Variants in NARS2 observed in about 807,000 individuals in gnomAD.
NARS2 encodes the protein asparaginyl-tRNA synthetase.
NARS2 carries 60 observed loss-of-function variants against 62.9 expected under a neutral mutation model. The observed-to-expected ratio is 0.95, with a 90% confidence interval of 0.77 to 1.18. The LOEUF (loss-of-function observed/expected upper bound fraction) is 1.18, where lower values mean the gene tolerates loss of function less well. Ranked by LOEUF, NARS2 falls within the 50% of genes most tolerant of loss-of-function variation. The probability of loss-of-function intolerance (pLI) is 0.00; values close to 1 mark genes in which losing one functional copy is unlikely to be tolerated. For missense variants in NARS2, 619 were observed against 576.4 expected (o/e 1.07, Z -0.76); for synonymous variants, 196 against 200.0 (o/e 0.98, Z 0.17).
intron 9 of NARS2, among the ~76,000 whole-genome samples, chr11:78,470,601 A>C (rs1301187968): frequency 6.6e-6 from 1 of 152,168 alleles, no homozygotes; most frequent in Non-Finnish European, 1.5e-5. Flanking sequence ...TATTTTGTGG[A>C]TGTGTCATAA....
chr11:78,559,751 T>A, intron 4 of NARS2, 132 bp from the exon 5 acceptor site: 1 of 597,104 alleles, frequency 1.7e-6, no homozygotes, highest in Non-Finnish European at 2.9e-6. Context: ...CCCTAAATAT[T>A]AAGACTACTG....
chr11:78,454,826 C>T (rs780906417), intron 11 of NARS2, among the ~76,000 whole-genome samples: 1 of 152,058 alleles, frequency 6.6e-6, no homozygotes, highest in Non-Finnish European at 1.5e-5. Context: ...ACCATGTTGG[C>T]CAGGCTGGTC....
At chr11:78,524,822 C>G (rs1195601274) in intron 6 of NARS2, among the ~76,000 whole-genome samples, 5 of 152,004 alleles carry the variant, frequency 3.3e-5, no homozygotes, top group African/African-American at 9.7e-5. Context: ...GGAGAAATAA[C>G]TAATTTTTAG....
chr11:78,471,684 C>G (rs1250656872), intron 9 of NARS2, among the ~76,000 whole-genome samples: 1 of 116,236 alleles, frequency 8.6e-6, no homozygotes, highest in Non-Finnish European at 1.7e-5. Context: ...TCCCTCCCCC[C>G]TCCCCCCACC....
intron 6 of NARS2, among the ~76,000 whole-genome samples, chr11:78,519,908 T>C (rs1024369878): frequency 1.1e-4 from 16 of 152,138 alleles, no homozygotes; most frequent in African/African-American, 3.9e-4. Flanking sequence ...TTAGCCAGGA[T>C]GGTCTCGATC....
chr11:78,572,553 G>A (rs116558162), intron 1 of NARS2, among the ~76,000 whole-genome samples: 2,379 of 152,214 alleles, frequency 0.016, 62 homozygotes, highest in African/African-American at 0.054. Context: ...TTCAGGACTT[G>A]GCTGAAATAT....
chr11:78,461,025 T>A (rs757790101), intron 11 of NARS2, among the ~76,000 whole-genome samples: 1 of 152,178 alleles, frequency 6.6e-6, no homozygotes, highest in African/African-American at 2.4e-5. Flanking sequence ...AGGATGTGCA[T>A]AGGTGATACG....
chr11:78,504,669 C>A (rs988222954), intron 6 of NARS2, among the ~76,000 whole-genome samples: 1 of 152,148 alleles, frequency 6.6e-6, no homozygotes, highest in Non-Finnish European at 1.5e-5. Context: ...CATACAAACA[C>A]ACATACACAT....
At chr11:78,534,974 A>G (rs1397272119) in intron 5 of NARS2, among the ~76,000 whole-genome samples, 2 of 152,256 alleles carry the variant, frequency 1.3e-5, no homozygotes, top group Admixed American at 6.5e-5. Context: ...TAAAGCCTCT[A>G]AATTAATACA....
At position 78,540,364 on chromosome 11, in the gene NARS2, G is replaced by A. The variant is rs546159859; in HGVS notation, c.595-11428C>T. 2.6e-5 allele frequency among the ~76,000 whole-genome samples: 4 copies of A among 152,218 alleles called. No individual in the cohort carries two copies. The South Asian group carries it at 8.3e-4, about 32-fold the overall frequency. Reference sequence around the variant, plus strand: ...TAGCTGAGCAGTTTCACAATCTCAGGAGAATTAAATAGAAAAACCCACACA... The same window carrying A: ...TAGCTGAGCAGTTTCACAATCTCAGAAGAATTAAATAGAAAAACCCACACA... On this transcript the variant is annotated intron_variant, in intron 5 of 13. Coordinates refer to ENST00000281038, the MANE Select transcript of NARS2 (RefSeq NM_024678.6).
intron 5 of NARS2, among the ~76,000 whole-genome samples, chr11:78,541,601 T>A (rs2135462711): frequency 6.6e-6 from 1 of 152,100 alleles, no homozygotes; most frequent in South Asian, 2.1e-4. Context: ...TTCCAGCTAC[T>A]CGGGAGGCTG....
intron 7 of NARS2, among the ~76,000 whole-genome samples, chr11:78,489,071 G>A (rs991510628): frequency 6.6e-6 from 1 of 152,058 alleles, no homozygotes. Context: ...AAGGTAAAGA[G>A]TTCTTAGACT....
chr11:78,549,458 G>A (rs1856010941), intron 5 of NARS2, among the ~76,000 whole-genome samples: 1 of 152,170 alleles, frequency 6.6e-6, no homozygotes, highest in South Asian at 2.1e-4. Context: ...AAACTGAACG[G>A]TGCTCTCCAG....
chr11:78,469,456 G>C, intron 9 of NARS2, 143 bp from the exon 10 acceptor site: 1 of 624,232 alleles, frequency 1.6e-6, no homozygotes, highest in Non-Finnish European at 2.9e-6. Flanking sequence ...CTAATCCTAT[G>C]AAAGAATGAT....
chr11:78,508,257 C>G (rs1347246197), intron 6 of NARS2, among the ~76,000 whole-genome samples: 2 of 152,092 alleles, frequency 1.3e-5, no homozygotes, highest in South Asian at 4.1e-4. Context: ...TACCACAACA[C>G]GACCCAACAT....
intron 13 of NARS2, 39 bp from the exon 14 acceptor site, chr11:78,436,853 T>A: frequency 6.4e-7 from 1 of 1,570,156 alleles, no homozygotes; most frequent in Admixed American, 1.8e-5. Flanking sequence ...CTATATATAG[T>A]ATAAGACCAG....
chr11:78,457,672 T>C (rs1217262233), intron 11 of NARS2, among the ~76,000 whole-genome samples: 2 of 152,190 alleles, frequency 1.3e-5, no homozygotes, highest in Non-Finnish European at 2.9e-5. Context: ...CTTTAGGGTG[T>C]GAGACCACAT....
At chr11:78,456,769 T>C (rs1415592549) in intron 11 of NARS2, among the ~76,000 whole-genome samples, 1 of 152,222 alleles carries the variant, frequency 6.6e-6, no homozygotes, top group Non-Finnish European at 1.5e-5. Context: ...AGACTATTCT[T>C]CTCTGTGAAG....
At chr11:78,537,829 A>C (rs1321627584) in intron 5 of NARS2, among the ~76,000 whole-genome samples, 1 of 152,200 alleles carries the variant, frequency 6.6e-6, no homozygotes, top group Non-Finnish European at 1.5e-5. Flanking sequence ...CATACATGCA[A>C]ACATACATAC....
Sources: allele counts gnomAD v4.1 joint callset (sites outside exome capture counted in the v4.1 genomes callset), GRCh38; gene constraint gnomAD v4.1.1; transcripts MANE v1.5; gene names NCBI Gene and HGNC (gene_info 2026-07-23, HGNC 2026-07-21).